Variants in MGAT4A observed in about 807,000 individuals in gnomAD.
MGAT4A encodes N-acetylglucosaminyltransferase IVa.
MGAT4A carries 33 observed loss-of-function variants against 74.1 expected under a neutral mutation model. The observed-to-expected ratio is 0.45, with a 90% CI of 0.34 to 0.60. MGAT4A has a LOEUF of 0.60. Among genes scored for constraint, MGAT4A ranks in the 20% least tolerant of loss-of-function variants. The pLI is 0.02. For missense variants in MGAT4A, 479 were observed against 628.3 expected, an observed-to-expected ratio of 0.76 and a Z score of 2.54; for synonymous variants, 198 against 210.4, an observed-to-expected ratio of 0.94 and a Z score of 0.51.
chr2:98,710,707 C>G (rs1300812153), intron 2 of MGAT4A, among the ~76,000 whole-genome samples: 2 of 152,158 alleles, frequency 1.3e-5, no homozygotes, highest in African/African-American at 4.8e-5. Context: ...ACCTCCGGAA[C>G]TCAAGTGATC....
At chr2:98,654,003 A>G (rs1575252618) in intron 8 of MGAT4A, among the ~76,000 whole-genome samples, 1 of 152,336 alleles carries the variant, frequency 6.6e-6, no homozygotes, top group Non-Finnish European at 1.5e-5. Context: ...GGATCGTTCA[A>G]CACACAAAAA....
Position 98,621,693 on chromosome 2 carries a change from G to T in MGAT4A, c.*3873C>A. On this transcript the variant is annotated 3_prime_UTR_variant, in exon 16 of 16. Transcript: ENST00000393487. ...AATTTGCCTACCACAAATATACACT[G>T]TTATTCACTAGAATAATCTCTCCAA... 1 of 1,381,682 alleles carries T rather than the reference G, an allele frequency of 7.2e-7. No individual in the cohort carries two copies. The highest frequency in any genetic ancestry group is 1.7e-5 in the South Asian group (1 of 59,586). The allele number at this position is 1,381,682 out of a possible 1,614,324, so 85.6% of individuals were successfully genotyped here. A position where few individuals can be genotyped will look rare whatever the true frequency, so the allele number is the denominator to read the frequency against.
intron 2 of MGAT4A, among the ~76,000 whole-genome samples, chr2:98,682,255 T>C (rs1702069917): frequency 6.6e-6 from 1 of 151,882 alleles, no homozygotes; most frequent in African/African-American, 2.4e-5. Flanking sequence ...AAATCCCGTC[T>C]CTACTAAAAA....
At chr2:98,669,538 A>G (rs1434849259) in intron 4 of MGAT4A, among the ~76,000 whole-genome samples, 2 of 152,218 alleles carry the variant, frequency 1.3e-5, no homozygotes, top group African/African-American at 4.8e-5. Flanking sequence ...GCATGTTTAG[A>G]GAATAAACCA....
At chr2:98,645,862 C>T (rs1701476785) in intron 8 of MGAT4A, among the ~76,000 whole-genome samples, 1 of 151,816 alleles carries the variant, frequency 6.6e-6, no homozygotes, top group African/African-American at 2.4e-5. Flanking sequence ...AGATAAAGGT[C>T]TTATCACAGC....
chr2:98,719,463 G>T (rs964978463), intron 2 of MGAT4A, among the ~76,000 whole-genome samples: 1 of 152,074 alleles, frequency 6.6e-6, no homozygotes, highest in African/African-American at 2.4e-5. Context: ...AGGTGAAGGG[G>T]ACCTTAGTAC....
intron 5 of MGAT4A, among the ~76,000 whole-genome samples, chr2:98,660,185 C>T (rs1024062622): frequency 5.3e-5 from 8 of 152,146 alleles, no homozygotes; most frequent in Non-Finnish European, 8.8e-5. Context: ...AGTGAAAGAA[C>T]TAGACACCAA....
rs572919909 is a variant in MGAT4A at position 98,627,686 on chromosome 2, G to A, written c.1469-1851C>T. Among the ~76,000 whole-genome samples, 274 of 152,256 alleles carry A rather than the reference G, an allele frequency of 1.8e-3. 1 individual carries two copies. The highest frequency in any genetic ancestry group is 2.4e-3 in the Non-Finnish European group (161 of 68,008). ...CCACCATGCCCAGTTTAGCAAAAAC[G>A]AATTTTCAAAGTGATAATAGCTGTT... is the stretch of plus-strand genomic sequence containing the variant. On this transcript the variant is annotated intron_variant, in intron 14 of 15. Transcript: ENST00000393487.
At chr2:98,664,200 CAAAAAAAAAAAAAAAAAAAA>C (rs57981145) in intron 4 of MGAT4A, among the ~76,000 whole-genome samples, 1 of 51,444 alleles carries the variant, frequency 1.9e-5, no homozygotes, top group Non-Finnish European at 3.6e-5. Context: ...GATTCCATCT[CAAAAAAAAAAAAAAAAAAAA>C]AAAAAAAAAA....
intron 2 of MGAT4A, among the ~76,000 whole-genome samples, chr2:98,701,876 C>T (rs1702360365): frequency 6.6e-6 from 1 of 152,184 alleles, no homozygotes; most frequent in African/African-American, 2.4e-5. Context: ...TGTATATTTA[C>T]AGCTCAAAGA....
chr2:98,716,930 A>G (rs1282352518), intron 2 of MGAT4A, among the ~76,000 whole-genome samples: 1 of 152,206 alleles, frequency 6.6e-6, no homozygotes, highest in East Asian at 1.9e-4. Flanking sequence ...GTATATGTTC[A>G]GTACAGACAC....
At chr2:98,708,822 AAAC>A (rs1452260241) in intron 2 of MGAT4A, among the ~76,000 whole-genome samples, 2 of 152,256 alleles carry the variant, frequency 1.3e-5, no homozygotes, top group African/African-American at 2.4e-5. Flanking sequence ...AATGCAACAT[AAAC>A]AATAGGGTGA....
chr2:98,663,634 C>T lies in MGAT4A; in HGVS notation c.404-455G>A, dbSNP rs141725677. Among the ~76,000 whole-genome samples the T allele has an allele frequency of 2.8e-3, 423 of 152,240 alleles. 3 individuals are homozygous for T. The highest frequency in any genetic ancestry group is 9.3e-3 in the African/African-American group (388 of 41,528). On this transcript the variant is annotated intron_variant, in intron 4 of 15. Transcript: ENST00000393487. ...TAAAGAAACATCAGAAAAATCCAAA[C>T]TGGGGCAATGCTCCACAAAATAACA...
intron 2 of MGAT4A, among the ~76,000 whole-genome samples, chr2:98,691,628 C>T (rs1239388404): frequency 6.6e-6 from 1 of 152,180 alleles, no homozygotes; most frequent in Admixed American, 6.5e-5. Flanking sequence ...TTGATAATGA[C>T]AATCAACTGT....
chr2:98,652,918 G>C (rs1465436512), intron 8 of MGAT4A, among the ~76,000 whole-genome samples: 1 of 151,868 alleles, frequency 6.6e-6, no homozygotes, highest in Non-Finnish European at 1.5e-5. Flanking sequence ...AGCCAGTGCC[G>C]CCCACCAACA....
In MGAT4A at chr2:98,623,917, G is replaced by A; in HGVS notation, c.*1649C>T. On this transcript the variant is annotated 3_prime_UTR_variant, in exon 16 of 16. Coordinates refer to ENST00000393487, the MANE Select transcript of MGAT4A (RefSeq NM_012214.3). ...AGCCAGTGGTCACTCTGAAAGCTCA[G>A]CAGAATCCATCTCTGCCCGTCTGCA... 1 of 985,446 alleles carries A rather than the reference G, an allele frequency of 1.0e-6. No individual in the cohort carries two copies. The highest frequency in any genetic ancestry group is 1.2e-6 in the Non-Finnish European group (1 of 829,982). 61.0% of individuals were successfully genotyped at this position (985,446 alleles called of 1,614,324 possible).
intron 2 of MGAT4A, among the ~76,000 whole-genome samples, chr2:98,713,051 C>T (rs1702539895): frequency 6.6e-6 from 1 of 151,730 alleles, no homozygotes; most frequent in African/African-American, 2.4e-5. Context: ...CACCTGTAGT[C>T]CCAGCTAGTC....
At chr2:98,658,181 CA>C in intron 6 of MGAT4A, 36 bp downstream of exon 6, 1 of 1,396,110 alleles carries the variant, frequency 7.2e-7, no homozygotes. Context: ...TAATAGTAAC[CA>C]AAATATTTGT....
intron 4 of MGAT4A, among the ~76,000 whole-genome samples, chr2:98,664,497 G>A (rs1701797375): frequency 6.6e-6 from 1 of 152,100 alleles, no homozygotes; most frequent in Admixed American, 6.5e-5. Flanking sequence ...CATACAAAAT[G>A]CACGCACCTC....
Sources: gnomAD v4.1 joint callset for allele counts (sites outside exome capture counted in the v4.1 genomes callset) on GRCh38, gnomAD v4.1.1 for gene constraint, MANE v1.5 for transcripts, NCBI Gene and HGNC (gene_info 2026-07-23, HGNC 2026-07-21) for gene names.